The following FOXO3 variants were observed in gnomAD, a reference collection of about 807,000 sequenced individuals.
The protein encoded by FOXO3 is forkhead box protein O3.
A neutral mutation model predicts 41.9 loss-of-function variants in FOXO3; 4 were observed. The ratio of observed to expected loss-of-function variants is 0.10; its 90% CI spans 0.05 to 0.22. FOXO3 has a LOEUF of 0.22. FOXO3 is among the 10% of genes least tolerant of loss of function. The pLI, the probability that FOXO3 is intolerant of heterozygous loss-of-function variation, is 1.00. For missense variants in FOXO3, 534 were observed against 906.8 expected, an observed-to-expected ratio of 0.59 and a Z score of 5.28; for synonymous variants, 318 against 389.3, an observed-to-expected ratio of 0.82 and a Z score of 2.16.
At chr6:108,571,403 C>T (rs1201710189) in intron 1 of FOXO3, among the ~76,000 whole-genome samples, 1 of 152,170 alleles carries the variant, frequency 6.6e-6, no homozygotes, top group Admixed American at 6.5e-5. Context: ...TAGAGTTCCT[C>T]TAAAATTCAT....
intron 1 of FOXO3, among the ~76,000 whole-genome samples, chr6:108,613,640 T>C (rs1037916212): frequency 6.6e-6 from 1 of 152,206 alleles, no homozygotes; most frequent in East Asian, 1.9e-4. Context: ...CTTATCTGTT[T>C]AGTGCCTTGC....
At chr6:108,564,759 G>A (rs1190495665) in intron 1 of FOXO3, among the ~76,000 whole-genome samples, 1 of 149,566 alleles carries the variant, frequency 6.7e-6, no homozygotes, top group African/African-American at 2.5e-5. Context: ...TTTGGCTTGT[G>A]TGTGGCTTAG....
At position 108,629,014 on chromosome 6, in the gene FOXO3, T is replaced by C. The variant is rs543151776; in HGVS notation, c.622-34441T>C. Among the ~76,000 whole-genome samples, 3 of 152,304 alleles carry C rather than the reference T, an allele frequency of 2.0e-5. No homozygotes were observed. The South Asian group carries it at 6.2e-4, about 32-fold the overall frequency. ...CTCTAGGGAAACCTCCTTAGGAGCT[T>C]ACTGGCTGAAATCGAGCAAGTTCTG... On this transcript the variant is annotated intron_variant, in intron 1 of 2. Coordinates refer to ENST00000406360, the MANE Select transcript of FOXO3 (RefSeq NM_001455.4).
At chr6:108,600,855 A>G (rs1052510154) in intron 1 of FOXO3, among the ~76,000 whole-genome samples, 1 of 152,182 alleles carries the variant, frequency 6.6e-6, no homozygotes, top group Non-Finnish European at 1.5e-5. Flanking sequence ...ATAATTGTAG[A>G]AGTTGTGGGA....
At chr6:108,633,177 A>C (rs1329233915) in intron 1 of FOXO3, among the ~76,000 whole-genome samples, 3 of 152,198 alleles carry the variant, frequency 2.0e-5, no homozygotes, top group Non-Finnish European at 2.9e-5. Context: ...CTGATTGGAT[A>C]AATAAAATGA....
At chr6:108,613,540 A>G (rs1777418138) in intron 1 of FOXO3, among the ~76,000 whole-genome samples, 1 of 152,078 alleles carries the variant, frequency 6.6e-6, no homozygotes, top group South Asian at 2.1e-4. Context: ...ATGTTCTCTT[A>G]TTATCCTTTT....
In FOXO3 at chr6:108,663,791, G is replaced by A; in HGVS notation, c.958G>A (p.Val320Ile). 6.2e-7 allele frequency: 1 copy of A among 1,613,964 alleles called. No homozygotes were observed. The highest frequency in any genetic ancestry group is 1.7e-4 in the Middle Eastern group (1 of 6,058). Residue 320 changes from valine (V) to isoleucine (I), a missense_variant, in exon 2 of 3, where the codon GTC (valine) becomes ATC (isoleucine). Around this residue, in one of 8 missense-constraint regions of FOXO3, gnomAD observed 185 missense variants for 224.9 expected, o/e 0.82. Coordinates refer to ENST00000406360, the MANE Select transcript of FOXO3 (RefSeq NM_001455.4). The part of the protein sequence containing the change: ...RSRTNSNAST[V>I]SGRLSPIMAS... ...ACGCACCAATTCTAACGCCAGCACA[G>A]TCAGTGGCCGCCTGTCGCCCATCAT...
At chr6:108,604,591 A>G (rs1036109064) in intron 1 of FOXO3, among the ~76,000 whole-genome samples, 5 of 152,226 alleles carry the variant, frequency 3.3e-5, no homozygotes, top group African/African-American at 1.2e-4. Flanking sequence ...TTTAACAAGA[A>G]ATAAGTGTTA....
chr6:108,605,919 C>G (rs866804658), intron 1 of FOXO3, among the ~76,000 whole-genome samples: 1 of 152,128 alleles, frequency 6.6e-6, no homozygotes, highest in Non-Finnish European at 1.5e-5. Flanking sequence ...TCAAATCACT[C>G]AAAAGACCAA....
At position 108,678,493 on chromosome 6, in the gene FOXO3, C is replaced by CTT. The variant is rs11417953; in HGVS notation, c.*35-1319_*35-1318dup. 1.3e-3 allele frequency among the ~76,000 whole-genome samples: 180 copies of CTT among 143,658 alleles called. 1 individual carries two copies. The highest frequency in any genetic ancestry group is 1.5e-3 in the Non-Finnish European group (97 of 66,010). The allele number at this position is 143,658 out of a possible 152,430, so 94.2% of individuals were successfully genotyped here. On this transcript the variant is annotated intron_variant, in intron 2 of 2. Transcript: ENST00000406360. ...CTATTAAGACAGCTCTATGAATATACTTTTTTTTTTTTTTTTAATCCCTTA... is the reference window on the plus strand; with the variant it reads ...CTATTAAGACAGCTCTATGAATATACTTTTTTTTTTTTTTTTTTAATCCCTTA...
intron 1 of FOXO3, among the ~76,000 whole-genome samples, chr6:108,645,127 T>G (rs1778361147): frequency 6.6e-6 from 1 of 152,216 alleles, no homozygotes; most frequent in African/African-American, 2.4e-5. Context: ...TTTTTAGATT[T>G]GATGCTCTGG....
chr6:108,601,223 G>A (rs906965849), intron 1 of FOXO3, among the ~76,000 whole-genome samples: 14 of 151,508 alleles, frequency 9.2e-5, no homozygotes, highest in Admixed American at 4.6e-4. Flanking sequence ...TGTGTTAGCC[G>A]GGATGGTCTC....
chr6:108,679,093 G>A (rs1562270994), intron 2 of FOXO3, among the ~76,000 whole-genome samples: 2 of 151,684 alleles, frequency 1.3e-5, no homozygotes, highest in Non-Finnish European at 1.5e-5. Flanking sequence ...GGATGGTCTC[G>A]ATCTCCTGAC....
In FOXO3 at chr6:108,663,836, G is replaced by C. The variant is rs1778955120; in HGVS notation, c.1003G>C (p.Glu335Gln). 2 of 1,613,838 alleles carry C rather than the reference G, an allele frequency of 1.2e-6. No individual in the cohort carries two copies. Among genetic ancestry groups the C allele is most frequent in the East Asian group, 4.5e-5 (2 of 44,868 alleles). ...SPIMASTELDEVQDDDAPLSP... is the reference protein window; with the variant it reads ...SPIMASTELDQVQDDDAPLSP... ...CATCATGGCAAGCACAGAGTTGGAT[G>C]AAGTCCAGGACGATGATGCGCCTCT... Residue 335 changes from glutamate (E) to glutamine (Q), a missense_variant, in exon 2 of 3, where the codon GAA becomes CAA. This residue lies in a region of FOXO3 where 185 missense variants were observed against 224.9 expected (regional missense o/e 0.82). Transcript: ENST00000406360.
intron 1 of FOXO3, among the ~76,000 whole-genome samples, chr6:108,659,913 C>T (rs1010667321): frequency 6.6e-6 from 1 of 152,162 alleles, no homozygotes; most frequent in Non-Finnish European, 1.5e-5. Context: ...AGATGTTTCA[C>T]ACTTTTTCTC....
intron 1 of FOXO3, among the ~76,000 whole-genome samples, chr6:108,643,585 A>T (rs1778318593): frequency 6.6e-6 from 1 of 152,186 alleles, no homozygotes; most frequent in Non-Finnish European, 1.5e-5. Context: ...TGGTTATGGA[A>T]TGAGAGGGCT....
chr6:108,657,938 C>G (rs1212134013), intron 1 of FOXO3, among the ~76,000 whole-genome samples: 1 of 152,152 alleles, frequency 6.6e-6, no homozygotes, highest in Non-Finnish European at 1.5e-5. Context: ...TTACATAGAG[C>G]TCTTTTTCAA....
intron 2 of FOXO3, among the ~76,000 whole-genome samples, chr6:108,670,031 C>T (rs904648239): frequency 6.6e-6 from 1 of 152,176 alleles, no homozygotes; most frequent in Non-Finnish European, 1.5e-5. Context: ...GTAGAGTCTT[C>T]CCCCAGGGGC....
intron 2 of FOXO3, among the ~76,000 whole-genome samples, chr6:108,679,495 C>T (rs1266038157): frequency 1.3e-5 from 2 of 152,082 alleles, no homozygotes; most frequent in East Asian, 3.9e-4. Context: ...CTTATCTGCA[C>T]CTTGAACATC....
Sources: gnomAD v4.1 joint callset for allele counts (sites outside exome capture counted in the v4.1 genomes callset) on GRCh38, gnomAD v4.1.1 for gene constraint, gnomAD v4.1.1 regional missense constraint, MANE v1.5 for transcripts, NCBI Gene and HGNC (gene_info 2026-07-23, HGNC 2026-07-21) for gene names.